UQCC1: variants seen among roughly 807,000 people sequenced by gnomAD.
UQCC1 encodes bFGF-repressed Zic-binding protein.
A neutral mutation model predicts 48.0 loss-of-function variants in UQCC1; 38 were observed. The ratio of observed to expected loss-of-function variants is 0.79; its 90% CI spans 0.61 to 1.04. The LOEUF (loss-of-function observed/expected upper bound fraction) is 1.04. UQCC1 is among the 50% of genes least tolerant of loss of function. The probability of loss-of-function intolerance (pLI) is 0.00; values close to 1 mark genes in which losing one functional copy is unlikely to be tolerated. For synonymous variants in UQCC1, 111 were observed against 129.2 expected (o/e 0.86, Z 0.95); for missense variants, 368 against 381.8 (o/e 0.96, Z 0.30).
intron 2 of UQCC1, among the ~76,000 whole-genome samples, chr20:35,390,865 A>G (rs1431507240): frequency 2.0e-5 from 3 of 152,202 alleles, no homozygotes; most frequent in African/African-American, 7.2e-5. Context: ...CCAAAAATGC[A>G]TAACCTCAAT....
chr20:35,338,888 A>T (rs373526252), intron 7 of UQCC1, among the ~76,000 whole-genome samples: 932 of 49,518 alleles, frequency 0.019, 52 homozygotes, highest in African/African-American at 0.14. Flanking sequence ...AAAAAAAAAA[A>T]AAAAATATAT....
chr20:35,366,752 C>A, intron 5 of UQCC1, 138 bp from the exon 6 acceptor site: 2 of 644,802 alleles, frequency 3.1e-6, no homozygotes, highest in Non-Finnish European at 5.3e-6. Context: ...AACAATAGGG[C>A]GAGACCACAG....
chr20:35,410,389 A>G (rs369037162), intron 1 of UQCC1, among the ~76,000 whole-genome samples: 16 of 151,600 alleles, frequency 1.1e-4, no homozygotes, highest in East Asian at 9.9e-4. Flanking sequence ...AAAGTTAGCC[A>G]GGTGTGGTGG....
At chr20:35,340,153 C>T (rs1005909709) in intron 7 of UQCC1, among the ~76,000 whole-genome samples, 1 of 152,196 alleles carries the variant, frequency 6.6e-6, no homozygotes, top group Non-Finnish European at 1.5e-5. Context: ...CAGGACAGGA[C>T]TGGCACCCTG....
At chr20:35,315,288 A>C (rs1030103833) in intron 7 of UQCC1, 2 of 155,276 alleles carry the variant, frequency 1.3e-5, no homozygotes, top group Non-Finnish European at 2.9e-5. Context: ...AGAGCATTCT[A>C]GACAGAGCAA....
intron 7 of UQCC1, among the ~76,000 whole-genome samples, chr20:35,324,530 G>A (rs971771448): frequency 9.9e-5 from 15 of 152,136 alleles, no homozygotes; most frequent in Non-Finnish European, 1.3e-4. Context: ...GTTTCACCGT[G>A]TTAGCCAGGA....
At chr20:35,358,238 C>T (rs1056143033) in intron 6 of UQCC1, among the ~76,000 whole-genome samples, 1 of 150,980 alleles carries the variant, frequency 6.6e-6, no homozygotes, top group African/African-American at 2.4e-5. Context: ...CCTGTGGTCC[C>T]AGCTACTCCG....
At chr20:35,340,092 A>G (rs2061360828) in intron 7 of UQCC1, among the ~76,000 whole-genome samples, 1 of 152,160 alleles carries the variant, frequency 6.6e-6, no homozygotes. Flanking sequence ...GGTAAGTTCT[A>G]TCTCTGAAGT....
intron 5 of UQCC1, among the ~76,000 whole-genome samples, chr20:35,367,151 C>G (rs1463285090): frequency 2.0e-5 from 3 of 151,396 alleles, no homozygotes; most frequent in Middle Eastern, 3.4e-3. Flanking sequence ...AGACCACCAG[C>G]CTTCTAGTTC....
chr20:35,328,859 C>A (rs1031587679), intron 7 of UQCC1, among the ~76,000 whole-genome samples: 1 of 152,166 alleles, frequency 6.6e-6, no homozygotes, highest in Non-Finnish European at 1.5e-5. Flanking sequence ...CTTTCTCGTT[C>A]GTCTGTTTCG....
chr20:35,357,182 C>T (rs969129543), intron 6 of UQCC1, among the ~76,000 whole-genome samples: 5 of 151,572 alleles, frequency 3.3e-5, no homozygotes, highest in Non-Finnish European at 7.4e-5. Context: ...CTCCGGAGTT[C>T]GAGACCAGCC....
intron 1 of UQCC1, among the ~76,000 whole-genome samples, chr20:35,403,027 A>G (rs1025028457): frequency 6.6e-6 from 1 of 151,654 alleles, no homozygotes; most frequent in African/African-American, 2.4e-5. Context: ...AGATCGCGCC[A>G]TTGCACTCCA....
At chr20:35,312,720 T>G (rs1373812849) in intron 8 of UQCC1, among the ~76,000 whole-genome samples, 1 of 152,190 alleles carries the variant, frequency 6.6e-6, no homozygotes, top group Non-Finnish European at 1.5e-5. Flanking sequence ...GCTTGAAATC[T>G]CCACAATAAA....
intron 1 of UQCC1, among the ~76,000 whole-genome samples, chr20:35,406,532 G>T (rs1248553638): frequency 6.6e-6 from 1 of 152,202 alleles, no homozygotes; most frequent in Admixed American, 6.5e-5. Flanking sequence ...AGGAAAAAAT[G>T]AAGATTTCCC....
chr20:35,398,512 C>T (rs2062113920), intron 1 of UQCC1, among the ~76,000 whole-genome samples: 1 of 152,074 alleles, frequency 6.6e-6, no homozygotes. Context: ...TCTCACAGTT[C>T]TAAAATTGTA....
intron 7 of UQCC1, among the ~76,000 whole-genome samples, chr20:35,338,721 T>C (rs940317196): frequency 6.6e-6 from 1 of 150,686 alleles, no homozygotes; most frequent in Non-Finnish European, 1.5e-5. Context: ...GGCATGAGCC[T>C]GTAGTCCCAG....
At chr20:35,304,487 C>T (rs2060907004) in intron 9 of UQCC1, 2 of 192,494 alleles carry the variant, frequency 1.0e-5, no homozygotes, top group Admixed American at 5.3e-5. Context: ...TGTCCCTTCC[C>T]AGTGCTGCTA....
chr20:35,393,968 G>C, intron 2 of UQCC1, 124 bp downstream of exon 2: 2 of 833,180 alleles, frequency 2.4e-6, no homozygotes, highest in South Asian at 1.5e-5. Flanking sequence ...TGGCACCACA[G>C]AGACCCAGAG....
intron 3 of UQCC1, among the ~76,000 whole-genome samples, chr20:35,383,066 A>T (rs73903064): frequency 0.014 from 2,202 of 152,312 alleles, 52 homozygotes; most frequent in African/African-American, 0.049. Flanking sequence ...TTATTGATGT[A>T]ATAGGAAAAG....
Sources: allele counts gnomAD v4.1 joint callset (sites outside exome capture counted in the v4.1 genomes callset), GRCh38; gene constraint gnomAD v4.1.1; transcripts MANE v1.5; gene names NCBI Gene and HGNC (gene_info 2026-07-23, HGNC 2026-07-21).